DPYD: variants seen among roughly 807,000 people sequenced by gnomAD.
DPYD encodes the protein dihydropyrimidine dehydrogenase.
DPYD carries 109 observed loss-of-function variants against 116.2 expected under a neutral mutation model. The ratio of observed to expected loss-of-function variants is 0.94; its 90% CI spans 0.80 to 1.10. The LOEUF (loss-of-function observed/expected upper bound fraction) is 1.10, where lower values mean the gene tolerates loss of function less well. Ranked by LOEUF, DPYD falls within the 50% of genes least tolerant of loss-of-function variation. The probability of loss-of-function intolerance (pLI) is 0.00; values close to 1 mark genes in which losing one functional copy is unlikely to be tolerated. For missense variants in DPYD, 1,302 were observed against 1,254.5 expected (o/e 1.04, Z -0.57); for synonymous variants, 440 against 432.0 (o/e 1.02, Z -0.23).
intron 13 of DPYD, among the ~76,000 whole-genome samples, chr1:97,508,406 G>A (rs911751565): frequency 6.6e-6 from 1 of 152,030 alleles, no homozygotes; most frequent in Non-Finnish European, 1.5e-5. Flanking sequence ...AAGGGGGCCA[G>A]TGTGGCTGGC....
At chr1:97,207,123 G>C (rs1203556806) in intron 19 of DPYD, among the ~76,000 whole-genome samples, 1 of 151,918 alleles carries the variant, frequency 6.6e-6, no homozygotes, top group African/African-American at 2.4e-5. Flanking sequence ...CTTATTCAAT[G>C]GATGAATACA....
intron 20 of DPYD, among the ~76,000 whole-genome samples, chr1:97,134,442 G>A (rs949052726): frequency 4.6e-5 from 7 of 152,022 alleles, no homozygotes; most frequent in Non-Finnish European, 8.8e-5. Context: ...TGGATAGTTT[G>A]GCAAATTATA....
chr1:97,323,620 AT>A (rs1668530449), intron 16 of DPYD, among the ~76,000 whole-genome samples: 1 of 74,448 alleles, frequency 1.3e-5, no homozygotes, highest in Non-Finnish European at 3.1e-5. Context: ...ACACGTATAT[AT>A]ACATATCATA....
At chr1:97,842,351 GC>G (rs2101537915) in intron 2 of DPYD, among the ~76,000 whole-genome samples, 1 of 152,020 alleles carries the variant, frequency 6.6e-6, no homozygotes, top group African/African-American at 2.4e-5. Context: ...AATTGTCAGT[GC>G]ATATGTTAAT....
chr1:97,683,154 GT>G (rs2100927270), intron 7 of DPYD, among the ~76,000 whole-genome samples: 1 of 151,940 alleles, frequency 6.6e-6, no homozygotes, highest in Admixed American at 6.5e-5. Context: ...AGAAAATTTG[GT>G]TAAATAGACC....
chr1:97,403,474 A>G lies in DPYD; in HGVS notation c.1906-21013T>C, dbSNP rs190374430. Among the ~76,000 whole-genome samples, 893 of 152,118 alleles carry G rather than the reference A, an allele frequency of 5.9e-3. 1 individual carries two copies. Among genetic ancestry groups the G allele is most frequent in the Non-Finnish European group, 8.8e-3 (599 of 67,922 alleles). ...TTTGCTTTGTTTTGGAAGGTTGTTA[A>G]TTATTGATTTGATTTCTTTAATAGA... On this transcript the variant is annotated intron_variant, in intron 14 of 22. Transcript: ENST00000370192.
At chr1:97,635,670 A>G (rs1039703850) in intron 8 of DPYD, among the ~76,000 whole-genome samples, 1 of 152,168 alleles carries the variant, frequency 6.6e-6, no homozygotes, top group African/African-American at 2.4e-5. Context: ...TATATTGTAC[A>G]TGTAGAGTGT....
At chr1:97,254,192 T>G (rs574352489) in intron 18 of DPYD, among the ~76,000 whole-genome samples, 1 of 152,146 alleles carries the variant, frequency 6.6e-6, no homozygotes, top group Non-Finnish European at 1.5e-5. Flanking sequence ...TAGGGCCGTT[T>G]TTCACAAACA....
intron 16 of DPYD, among the ~76,000 whole-genome samples, chr1:97,352,252 T>C (rs1670184704): frequency 6.6e-6 from 1 of 152,210 alleles, no homozygotes; most frequent in Non-Finnish European, 1.5e-5. Context: ...AAATTGGGAA[T>C]GATGGACATA....
chr1:97,346,766 A>G (rs1669869264), intron 16 of DPYD, among the ~76,000 whole-genome samples: 1 of 151,876 alleles, frequency 6.6e-6, no homozygotes, highest in South Asian at 2.1e-4. Context: ...CTGTCTGGGT[A>G]TCTTTACGAG....
chr1:97,778,583 A>T (rs1345425628), intron 3 of DPYD, among the ~76,000 whole-genome samples: 1 of 152,222 alleles, frequency 6.6e-6, no homozygotes, highest in African/African-American at 2.4e-5. Flanking sequence ...TATAACTATT[A>T]CACAATATTC....
At chr1:97,338,605 G>A (rs981733924) in intron 16 of DPYD, among the ~76,000 whole-genome samples, 1 of 152,152 alleles carries the variant, frequency 6.6e-6, no homozygotes, top group East Asian at 1.9e-4. Context: ...GATGCAATAG[G>A]TAGGACAAAA....
chr1:97,790,160 C>A (rs747258386), intron 3 of DPYD, among the ~76,000 whole-genome samples: 5 of 152,064 alleles, frequency 3.3e-5, no homozygotes, highest in Admixed American at 6.6e-5. Context: ...ACACTGCTTA[C>A]CATTTTCTAA....
At chr1:97,525,974 TAA>T (rs1491215859) in intron 12 of DPYD, among the ~76,000 whole-genome samples, 6 of 131,754 alleles carry the variant, frequency 4.6e-5, no homozygotes, top group East Asian at 4.8e-4. Flanking sequence ...CCTGGGTAAT[TAA>T]GAGTGTGTGT....
chr1:97,816,412 T>G (rs1668608791), intron 3 of DPYD, among the ~76,000 whole-genome samples: 1 of 152,136 alleles, frequency 6.6e-6, no homozygotes, highest in Non-Finnish European at 1.5e-5. Context: ...TTTAGATAAT[T>G]CCATGGGTAT....
intron 20 of DPYD, among the ~76,000 whole-genome samples, chr1:97,192,842 T>C (rs979467938): frequency 1.3e-5 from 2 of 152,174 alleles, no homozygotes; most frequent in African/African-American, 4.8e-5. Flanking sequence ...CAAACATCGG[T>C]CTTTTCCTTT....
At chr1:97,718,924 C>T (rs548473570) in intron 5 of DPYD, among the ~76,000 whole-genome samples, 60 of 151,516 alleles carry the variant, frequency 4.0e-4, no homozygotes, top group African/African-American at 1.4e-3. Flanking sequence ...CATCATGTGA[C>T]TGATAAAATC....
At chr1:97,374,966 T>C (rs1021587344) in intron 15 of DPYD, among the ~76,000 whole-genome samples, 1 of 137,062 alleles carries the variant, frequency 7.3e-6, no homozygotes, top group Non-Finnish European at 1.5e-5. Flanking sequence ...GAGGCGGAGG[T>C]GGCAGTGAGC....
chr1:97,834,976 T>C (rs979931593), intron 2 of DPYD, among the ~76,000 whole-genome samples: 5 of 152,086 alleles, frequency 3.3e-5, no homozygotes, highest in African/African-American at 1.2e-4. Context: ...GAGATTCATA[T>C]TTCAATAGAT....
Sources: gnomAD v4.1 joint callset for allele counts (sites outside exome capture counted in the v4.1 genomes callset) on GRCh38, gnomAD v4.1.1 for gene constraint, MANE v1.5 for transcripts, NCBI Gene and HGNC (gene_info 2026-07-23, HGNC 2026-07-21) for gene names.